USP50: variants seen among roughly 807,000 people sequenced by gnomAD.
USP50 encodes ubiquitin specific peptidase 50, also known as ubiquitin carboxyl-terminal hydrolase 50.
A neutral mutation model predicts 39.2 loss-of-function variants in USP50; 37 were observed. That is an observed-to-expected ratio of 0.94 (90% CI 0.73 to 1.24). The LOEUF is 1.24. Among genes scored for constraint, USP50 ranks in the 50% most tolerant of loss-of-function variants. The probability of loss-of-function intolerance (pLI) is 0.00; values close to 1 mark genes in which losing one functional copy is unlikely to be tolerated. For missense variants in USP50, 374 were observed against 398.2 expected (o/e 0.94, Z 0.52); for synonymous variants, 139 against 144.5 (o/e 0.96, Z 0.27).
chr15:50,537,913 GGGA>G (rs2052994046), intron 5 of USP50, among the ~76,000 whole-genome samples: 1 of 56,466 alleles, frequency 1.8e-5, no homozygotes, highest in African/African-American at 5.9e-5. Flanking sequence ...GGGGAGGGAA[GGGA>G]AGGGAAGGGA....
At chr15:50,515,396 C>T (rs920796648) in intron 6 of USP50, among the ~76,000 whole-genome samples, 6 of 152,184 alleles carry the variant, frequency 3.9e-5, no homozygotes, top group African/African-American at 1.4e-4. Flanking sequence ...CATGTGCCAC[C>T]ACGCCCGGCT....
chr15:50,546,490 G>A lies in USP50; in HGVS notation c.36C>T (p.Phe12=). The change falls in exon 1 of 7, where the codon TTC becomes TTT. Residue 12 remains phenylalanine (F), a synonymous_variant. Coordinates refer to ENST00000532404, the MANE Select transcript of USP50 (RefSeq NM_203494.5). Reference sequence around the variant, plus strand: ...AGGCTCACAGGACGTGGTAGATATCGAAGTCATCTGCAGGGAGAGACGGCT... The same window carrying A: ...AGGCTCACAGGACGTGGTAGATATCAAAGTCATCTGCAGGGAGAGACGGCT... ...TSQPSLPADD[F]DIYHVLAECT... 2 of 1,613,686 alleles carry A rather than the reference G, an allele frequency of 1.2e-6. No homozygotes were observed. The highest frequency in any genetic ancestry group is 1.7e-6 in the Non-Finnish European group (2 of 1,179,660).
intron 6 of USP50, among the ~76,000 whole-genome samples, chr15:50,526,116 T>C (rs2052896884): frequency 6.6e-6 from 1 of 152,194 alleles, no homozygotes; most frequent in Non-Finnish European, 1.5e-5. Context: ...CGGAGCGCAG[T>C]GGCACTATCT....
chr15:50,493,534 C>T, downstream of USP50: 1 of 514,798 alleles, frequency 1.9e-6, no homozygotes, highest in Non-Finnish European at 3.9e-6. Flanking sequence ...GGGCAGATCA[C>T]TTGGGGCCCA....
At chr15:50,521,825 A>G (rs2052853313) in intron 6 of USP50, among the ~76,000 whole-genome samples, 1 of 152,124 alleles carries the variant, frequency 6.6e-6, no homozygotes, top group Non-Finnish European at 1.5e-5. Flanking sequence ...CTAGCTGGGC[A>G]TAGTGGCACA....
chr15:50,494,651 T>C (rs187961206), intron 1 of USP50, among the ~76,000 whole-genome samples: 345 of 152,376 alleles, frequency 2.3e-3, no homozygotes, highest in African/African-American at 7.9e-3. Context: ...TACATATCCT[T>C]ATTCTTTTCT....
intron 1 of USP50, 150 bp downstream of exon 1, chr15:50,546,323 T>C (rs2053070462): frequency 4.2e-6 from 3 of 718,324 alleles, no homozygotes; most frequent in African/African-American, 1.8e-5. Flanking sequence ...TGCCAAGATA[T>C]TAGGTACAAT....
chr15:50,524,406 AAACTC>A (rs1396502945), intron 6 of USP50, among the ~76,000 whole-genome samples: 1 of 152,228 alleles, frequency 6.6e-6, no homozygotes, highest in African/African-American at 2.4e-5. Flanking sequence ...AATATATAAG[AAACTC>A]AACTCATTAG....
At chr15:50,499,308 A>G (rs895813090), downstream of USP50, 16 of 375,726 alleles carry the variant, frequency 4.3e-5, no homozygotes, top group African/African-American at 2.3e-4. Context: ...ATTTCAAAAC[A>G]ACTTTTTTAG....
At chr15:50,533,455 T>C (rs2052957252) in intron 5 of USP50, among the ~76,000 whole-genome samples, 1 of 151,484 alleles carries the variant, frequency 6.6e-6, no homozygotes, top group Non-Finnish European at 1.5e-5. Flanking sequence ...AAAAAAATCC[T>C]AAAAGAAGCC....
At chr15:50,545,014 G>A (rs1469698499) in intron 1 of USP50, among the ~76,000 whole-genome samples, 1 of 152,146 alleles carries the variant, frequency 6.6e-6, no homozygotes, top group East Asian at 1.9e-4. Context: ...GAGGTGGGAG[G>A]ATTGCTTGAG....
At chr15:50,501,858 GTAA>G (rs2052594441) in intron 6 of USP50, 1 of 152,112 alleles carries the variant, frequency 6.6e-6, no homozygotes, top group Non-Finnish European at 1.5e-5. Flanking sequence ...AAAGATCCAA[GTAA>G]TAATAGTATT....
chr15:50,518,027 T>C (rs1192331553), intron 6 of USP50, among the ~76,000 whole-genome samples: 6 of 152,172 alleles, frequency 3.9e-5, no homozygotes, highest in Non-Finnish European at 8.8e-5. Flanking sequence ...GAGGGAAATT[T>C]ATAGCAATAA....
chr15:50,494,963 C>T (rs976622336), intron 1 of USP50, among the ~76,000 whole-genome samples: 9 of 150,256 alleles, frequency 6.0e-5, no homozygotes, highest in African/African-American at 2.0e-4. Context: ...TGCAGTGAGC[C>T]GAGATTGCAG....
downstream of USP50, chr15:50,498,612 A>T: frequency 6.2e-7 from 1 of 1,609,496 alleles, no homozygotes; most frequent in African/African-American, 1.3e-5. Flanking sequence ...CTACGATGGC[A>T]GGTGGAAACA....
chr15:50,546,033 T>A (rs2053068274), intron 1 of USP50, among the ~76,000 whole-genome samples: 1 of 151,468 alleles, frequency 6.6e-6, no homozygotes, highest in Admixed American at 6.6e-5. Flanking sequence ...CACTGAGGGT[T>A]CCAAACGGGA....
intron 6 of USP50, chr15:50,513,178 A>T (rs1409097914): frequency 6.6e-6 from 1 of 152,202 alleles, no homozygotes; most frequent in Non-Finnish European, 1.5e-5. Context: ...ATATGCACAT[A>T]CTTTATGATC....
chr15:50,544,612 C>A lies in USP50; in HGVS notation c.223G>T (p.Gly75Trp). ...TTTTGCAGAGCGGTGATATACTTCC[C>A]GGTGAGAAAGTATTCCACCAGCGGC... The part of the protein sequence containing the change: ...ILPLVEYFLT[G>W]KYITALQNDC... The change falls in exon 2 of 7, where the codon GGG becomes TGG. Residue 75 changes from glycine (G) to tryptophan (W), a missense_variant. Coordinates refer to ENST00000532404, the MANE Select transcript of USP50 (RefSeq NM_203494.5). 1 of 1,613,460 alleles carries A rather than the reference C, an allele frequency of 6.2e-7. No individual in the cohort carries two copies. Among genetic ancestry groups the A allele is most frequent in the Non-Finnish European group, 8.5e-7 (1 of 1,179,716 alleles).
chr15:50,533,332 G>A (rs2052956567), intron 5 of USP50, among the ~76,000 whole-genome samples: 1 of 151,706 alleles, frequency 6.6e-6, no homozygotes, highest in Non-Finnish European at 1.5e-5. Context: ...CCAAATTAAT[G>A]CCATACACCA....
Sources: gnomAD v4.1 joint callset for allele counts (sites outside exome capture counted in the v4.1 genomes callset) on GRCh38, gnomAD v4.1.1 for gene constraint, MANE v1.5 for transcripts, NCBI Gene and HGNC (gene_info 2026-07-23, HGNC 2026-07-21) for gene names.